The following RBFOX1 variants were observed in gnomAD, a reference collection of about 807,000 sequenced individuals.
RBFOX1 encodes the protein RNA binding fox-1 homolog 1.
Under a neutral mutation model 57.7 loss-of-function variants are expected in RBFOX1, and 8 were observed. That is an observed-to-expected ratio of 0.14 (90% confidence interval 0.08 to 0.25). The LOEUF (loss-of-function observed/expected upper bound fraction) is 0.25, where lower values mean the gene tolerates loss of function less well. Ranked by LOEUF, RBFOX1 falls within the 10% of genes least tolerant of loss-of-function variation. RBFOX1 has a pLI of 1.00. For missense variants in RBFOX1, 611 were observed against 548.5 expected, an observed-to-expected ratio of 1.11 and a Z score of -1.14; for synonymous variants, 326 against 222.4, an observed-to-expected ratio of 1.47 and a Z score of -4.15.
At chr16:5,443,010 A>T (rs533989213) in intron 1 of RBFOX1, among the ~76,000 whole-genome samples, 3 of 152,280 alleles carry the variant, frequency 2.0e-5, no homozygotes, top group Admixed American at 1.3e-4. Context: ...ATGCTGCCTC[A>T]AGCCAAGGAG....
intron 1 of RBFOX1, among the ~76,000 whole-genome samples, chr16:6,042,660 A>C (rs1052622602): frequency 2.6e-5 from 4 of 152,160 alleles, no homozygotes; most frequent in African/African-American, 9.7e-5. Context: ...GGCCTGGGAA[A>C]CAGTCTCTGG....
At chr16:6,829,775 C>T (rs1392609727) in intron 3 of RBFOX1, among the ~76,000 whole-genome samples, 4 of 151,712 alleles carry the variant, frequency 2.6e-5, no homozygotes, top group Non-Finnish European at 5.9e-5. Context: ...CTAATTTTTG[C>T]ATTTGTAGTA....
intron 3 of RBFOX1, among the ~76,000 whole-genome samples, chr16:5,664,222 A>C (rs147621122): frequency 6.6e-6 from 1 of 152,312 alleles, no homozygotes; most frequent in Non-Finnish European, 1.5e-5. Flanking sequence ...TCTCGAGCCA[A>C]GCTGTGCAAC....
chr16:6,998,411 A>G (rs186460245), intron 3 of RBFOX1, among the ~76,000 whole-genome samples: 2 of 152,262 alleles, frequency 1.3e-5, no homozygotes, highest in East Asian at 3.9e-4. Flanking sequence ...GGGCAAAATG[A>G]AGCCAGTGAG....
intron 3 of RBFOX1, among the ~76,000 whole-genome samples, chr16:6,891,295 C>G (rs1484852531): frequency 6.6e-6 from 1 of 152,138 alleles, no homozygotes; most frequent in Admixed American, 6.5e-5. Context: ...AGCAAGGTGG[C>G]AGTATTATCT....
intron 2 of RBFOX1, among the ~76,000 whole-genome samples, chr16:6,382,640 AT>A (rs2091920782): frequency 6.6e-6 from 1 of 152,142 alleles, no homozygotes; most frequent in South Asian, 2.1e-4. Context: ...CGGGCAGATC[AT>A]CTGAGGTTAG....
intron 4 of RBFOX1, among the ~76,000 whole-genome samples, chr16:7,126,117 C>T (rs912941452): frequency 6.6e-5 from 10 of 152,164 alleles, no homozygotes; most frequent in African/African-American, 1.4e-4. Context: ...AAAAAGTTTA[C>T]ATGAATGAGC....
chr16:7,015,768 T>TC (rs2153663233), intron 3 of RBFOX1, among the ~76,000 whole-genome samples: 1 of 152,288 alleles, frequency 6.6e-6, no homozygotes, highest in South Asian at 2.1e-4. Flanking sequence ...TCTTTTTTTT[T>TC]CTTAAAGATT....
intron 1 of RBFOX1, among the ~76,000 whole-genome samples, chr16:6,071,423 G>T (rs990660701): frequency 6.6e-5 from 10 of 152,110 alleles, no homozygotes; most frequent in African/African-American, 2.4e-4. Context: ...ATAAAAATGG[G>T]TACTAGGTCG....
At chr16:6,565,827 A>G (rs2097257685) in intron 2 of RBFOX1, among the ~76,000 whole-genome samples, 2 of 152,228 alleles carry the variant, frequency 1.3e-5, no homozygotes, top group African/African-American at 4.8e-5. Flanking sequence ...TGGAAGGATT[A>G]GCAGCTATGT....
rs1036440490 is a variant in RBFOX1, at chr16:5,946,398, C to G, written c.351+79063C>G. Among the ~76,000 whole-genome samples the G allele has an allele frequency of 2.0e-5, 3 of 152,158 alleles. No homozygotes were observed. The highest frequency in any genetic ancestry group is 7.2e-5 in the African/African-American group (3 of 41,436). On this transcript the variant is annotated intron_variant, in intron 4 of 19. Coordinates refer to the RBFOX1 transcript ENST00000641259. This position sits in a 1 kb window ranked among gnomAD's most constrained non-coding sequence, Gnocchi z 4.6. ...TTTGCTCATGGATGTTTATCAAACA[C>G]CAACCAAGTGCCGGATGCACTACTC...
rs756893233 is a variant in RBFOX1, at chr16:6,194,121, G to A, written c.-126-122874G>A. ...CCACATCTGGTCATCATTTCATACCGTTCCTTCCCTCATCCTCTCTCAGTT... is the reference window on the plus strand; with the variant it reads ...CCACATCTGGTCATCATTTCATACCATTCCTTCCCTCATCCTCTCTCAGTT... On this transcript the variant is annotated intron_variant, in intron 1 of 15. Transcript: ENST00000550418. Among the ~76,000 whole-genome samples, 4 of 152,012 alleles carry A rather than the reference G, an allele frequency of 2.6e-5. No individual in the cohort carries two copies. The East Asian group carries it at 5.8e-4, about 22-fold the overall frequency.
intron 2 of RBFOX1, among the ~76,000 whole-genome samples, chr16:6,341,656 G>C (rs113652979): frequency 6.8e-6 from 1 of 147,282 alleles, no homozygotes; most frequent in Non-Finnish European, 1.5e-5. Context: ...TTTTTTTTTT[G>C]TTATGCTGTA....
At chr16:5,909,094 T>C (rs1161870054) in intron 4 of RBFOX1, among the ~76,000 whole-genome samples, 2 of 141,274 alleles carry the variant, frequency 1.4e-5, no homozygotes, top group African/African-American at 5.6e-5. Context: ...GCCCCCCTTT[T>C]TTTTTTTTTT....
At chr16:7,440,799 C>G (rs1042997412) in intron 4 of RBFOX1, among the ~76,000 whole-genome samples, 1 of 152,120 alleles carries the variant, frequency 6.6e-6, no homozygotes, top group African/African-American at 2.4e-5. Context: ...CTCTCTATTC[C>G]TCACATTTAG....
intron 1 of RBFOX1, among the ~76,000 whole-genome samples, chr16:6,283,956 G>A (rs954754743): frequency 6.6e-6 from 1 of 152,238 alleles, no homozygotes; most frequent in Non-Finnish European, 1.5e-5. Context: ...TCCAAGTACA[G>A]GAGTGCAATG....
chr16:7,216,600 G>C (rs779269270), intron 4 of RBFOX1, among the ~76,000 whole-genome samples: 1 of 152,152 alleles, frequency 6.6e-6, no homozygotes, highest in African/African-American at 2.4e-5. Context: ...AGAGGTTGCA[G>C]TGAGCCCAGA....
rs117158469 is a variant in RBFOX1, at chr16:6,484,667, G to A, written c.-64+167610G>A. Among the ~76,000 whole-genome samples, 748 of 152,226 alleles carry A rather than the reference G, an allele frequency of 4.9e-3. 26 individuals are homozygous for A. The East Asian group carries it at 0.1, about 20-fold the overall frequency. On this transcript the variant is annotated intron_variant, in intron 2 of 15. Transcript: ENST00000550418. The stretch of plus-strand genomic sequence containing the variant: ...TTATTTTCAGATTATGGGGAAATTG[G>A]GGGTTTTATTATTTCTTTTGACAAA...
At chr16:7,703,845 A>C (rs1373887167) in intron 14 of RBFOX1, among the ~76,000 whole-genome samples, 1 of 152,236 alleles carries the variant, frequency 6.6e-6, no homozygotes, top group African/African-American at 2.4e-5. Flanking sequence ...TCTCAACTCC[A>C]AAAGCATCTG....
Sources: gnomAD v4.1 joint callset for allele counts (sites outside exome capture counted in the v4.1 genomes callset) on GRCh38, gnomAD v4.1.1 for gene constraint, Gnocchi (gnomAD v3.1) non-coding constraint, MANE v1.5 for transcripts, NCBI Gene and HGNC (gene_info 2026-07-23, HGNC 2026-07-21) for gene names.